TCFL5: variants seen among roughly 807,000 people sequenced by gnomAD.
TCFL5 encodes transcription factor-like 5 protein.
Under a neutral mutation model 44.3 loss-of-function variants are expected in TCFL5, and 9 were observed. The observed-to-expected ratio is 0.20, with a 90% CI of 0.12 to 0.35. TCFL5 has a LOEUF of 0.35. TCFL5 is among the 10% of genes least tolerant of loss of function. The pLI is 1.00. For missense variants in TCFL5, 603 were observed against 613.4 expected (o/e 0.98, Z 0.18); for synonymous variants, 319 against 271.6 (o/e 1.17, Z -1.72).
rs1224651433 is a variant in TCFL5 at position 62,846,776 on chromosome 20, AAAAG to A, written c.1381-4683_1381-4680del. Among the ~76,000 whole-genome samples, 8 of 151,800 alleles carry A rather than the reference AAAAG, an allele frequency of 5.3e-5. No homozygotes were observed. The East Asian group carries it at 5.8e-4, about 11-fold the overall frequency. ...AGGGCCCCTCGCTGGGAAAAAAAAA[AAAAG>A]AGAGAAAGAAAAAGAAAAATAATAA... is the stretch of plus-strand genomic sequence containing the variant. On this transcript the variant is annotated intron_variant, in intron 5 of 5. Coordinates refer to ENST00000335351, the MANE Select transcript of TCFL5 (RefSeq NM_006602.4).
In TCFL5 at chr20:62,841,867, C is replaced by T. The variant is rs2063683304; in HGVS notation, c.*108G>A. On this transcript the variant is annotated 3_prime_UTR_variant, in exon 6 of 6. Transcript: ENST00000335351. ...ACTGGAGTCCCGTCAGCTTGAGTCA[C>T]GCCCTTTTCGAGTCAGACTAGCCGA... 6.8e-6 allele frequency: 10 copies of T among 1,476,654 alleles called. No homozygotes were observed. The highest frequency in any genetic ancestry group is 4.2e-5 in the African/African-American group (3 of 71,012). 91.5% of individuals were successfully genotyped at this position (1,476,654 alleles called of 1,614,324 possible). A position where few individuals can be genotyped will look rare whatever the true frequency, so the allele number is the denominator to read the frequency against.
At chr20:62,843,846 G>T (rs2147243040) in intron 5 of TCFL5, among the ~76,000 whole-genome samples, 1 of 152,350 alleles carries the variant, frequency 6.6e-6, no homozygotes, top group East Asian at 1.9e-4. Context: ...CCCGCAGGGT[G>T]TGCCCTGTTG....
chr20:62,851,501 A>G (rs1405830216), intron 5 of TCFL5: 1 of 983,992 alleles, frequency 1.0e-6, no homozygotes, highest in Non-Finnish European at 1.2e-6. Flanking sequence ...TTTTTAAAAC[A>G]CAAAAGCTTT....
chr20:62,855,335 G>C (rs554091459), intron 4 of TCFL5, among the ~76,000 whole-genome samples: 5 of 152,052 alleles, frequency 3.3e-5, no homozygotes, highest in African/African-American at 1.2e-4. Flanking sequence ...TAGTATTGTT[G>C]GTTTTTCTTT....
rs925003261 is a variant in TCFL5 at position 62,844,532 on chromosome 20, T to C, written c.1381-2435A>G. Among the ~76,000 whole-genome samples the C allele has an allele frequency of 2.0e-5, 3 of 151,740 alleles. 1 individual carries two copies. Among genetic ancestry groups the C allele is most frequent in the South Asian group, 4.2e-4 (2 of 4,804 alleles). The stretch of plus-strand genomic sequence containing the variant: ...TAGCTGGGACTACAGGTGCACACCA[T>C]CACGCCTGGCTTTCAACATTTTTTT... On this transcript the variant is annotated intron_variant, in intron 5 of 5. Coordinates refer to ENST00000335351, the MANE Select transcript of TCFL5 (RefSeq NM_006602.4).
At chr20:62,856,613 G>C (rs2063895104) in intron 4 of TCFL5, among the ~76,000 whole-genome samples, 1 of 150,570 alleles carries the variant, frequency 6.6e-6, no homozygotes, top group African/African-American at 2.4e-5. Flanking sequence ...GGCTGAGGCA[G>C]GAGAACGGCA....
rs972787306 is a variant in TCFL5 at position 62,841,384 on chromosome 20, G to A, written c.*591C>T. The A allele has an allele frequency of 6.5e-6, 1 of 153,918 alleles. No individual in the cohort carries two copies. The highest frequency in any genetic ancestry group is 1.4e-5 in the Non-Finnish European group (1 of 69,278). 9.5% of individuals were successfully genotyped at this position (153,918 alleles called of 1,614,324 possible). ...TGGCATTTAAGCGTCTACTGTGACA[G>A]TATTTCATTTGTGGACAAAAGTAGC... On this transcript the variant is annotated 3_prime_UTR_variant, in exon 6 of 6. Transcript: ENST00000335351.
At position 62,842,085 on chromosome 20, in the gene TCFL5, C is replaced by T. The variant is rs764909645; in HGVS notation, c.1393G>A (p.Val465Ile). 9 of 1,613,952 alleles carry T rather than the reference C, an allele frequency of 5.6e-6. No homozygotes were observed. The highest frequency in any genetic ancestry group is 3.3e-5 in the Admixed American group (2 of 59,968). ...CTTCGGCCAGTTTTACCGCAAAATA[C>T]GCTCTCAAATTCCTGCAGTGAAGAA... ...GDSLKKEFESVFCGKTGRRLK... is the reference protein window; with the variant it reads ...GDSLKKEFESIFCGKTGRRLK... The change falls in exon 6 of 6, where the codon GTA becomes ATA. Residue 465 changes from valine to isoleucine, a missense_variant. Around this residue, in one of 4 missense-constraint regions of TCFL5, gnomAD observed 41 missense variants for 61.4 expected, o/e 0.67. Transcript: ENST00000335351. This position sits in a 1 kb window ranked among gnomAD's most constrained non-coding sequence, Gnocchi z 4.3.
At chr20:62,850,659 G>A (rs977579550) in intron 5 of TCFL5, among the ~76,000 whole-genome samples, 2 of 152,158 alleles carry the variant, frequency 1.3e-5, no homozygotes, top group Non-Finnish European at 2.9e-5. Flanking sequence ...GCAGCAGGGT[G>A]ATATGGGTCA....
Position 62,854,207 on chromosome 20 carries a change from A to T in TCFL5, c.1239-50T>A, listed in dbSNP as rs376810807. On this transcript the variant is annotated intron_variant, in intron 4 of 5. Coordinates refer to ENST00000335351, the MANE Select transcript of TCFL5 (RefSeq NM_006602.4). ...ACCGAGAGAGACCGGAGCAAAACAAACATGTAAAAGGAAGCGTCTCCTGTA... is the reference window on the plus strand; with the variant it reads ...ACCGAGAGAGACCGGAGCAAAACAATCATGTAAAAGGAAGCGTCTCCTGTA... 10 of 1,602,304 alleles carry T rather than the reference A, an allele frequency of 6.2e-6. No individual in the cohort carries two copies. The Admixed American group carries it at 1.7e-4, about 28-fold the overall frequency.
chr20:62,853,805 A>G (rs2063848117), intron 5 of TCFL5, among the ~76,000 whole-genome samples: 1 of 152,228 alleles, frequency 6.6e-6, no homozygotes, highest in African/African-American at 2.4e-5. Context: ...AGTTATTTAC[A>G]CACTGAGTGT....
intron 5 of TCFL5, among the ~76,000 whole-genome samples, chr20:62,849,616 A>C (rs547529889): frequency 6.6e-6 from 1 of 152,260 alleles, no homozygotes; most frequent in African/African-American, 2.4e-5. Flanking sequence ...TAATCCCAGC[A>C]CTTTGGGAGG....
chr20:62,859,410 A>G lies in TCFL5; in HGVS notation c.948T>C (p.Gly316=), dbSNP rs549724910. ...QEIESTKQTL[G]SRNKVLPEQV... ...GCTCAGGCAAAACTTTGTTTCTACT[A>G]CCTAACGTCTGTTTAGTGGATTCAA... is the stretch of plus-strand genomic sequence containing the variant. Residue 316 remains glycine (G), a synonymous_variant, in exon 3 of 6, where the codon GGT becomes GGC. Coordinates refer to ENST00000335351, the MANE Select transcript of TCFL5 (RefSeq NM_006602.4). 7 of 1,613,350 alleles carry G rather than the reference A, an allele frequency of 4.3e-6. No homozygotes were observed. Among genetic ancestry groups the G allele is most frequent in the South Asian group, 3.3e-5 (3 of 91,038 alleles).
chr20:62,841,907 T>A lies in TCFL5; in HGVS notation c.*68A>T. 1 of 1,581,550 alleles carries A rather than the reference T, an allele frequency of 6.3e-7. No homozygotes were observed. The highest frequency in any genetic ancestry group is 2.3e-5 in the East Asian group (1 of 43,996). ...AGACTAGCCGAGCAGAGCTCCAGGG[T>A]TGCAGAAGGCGTGCACAGGTCACGA... On this transcript the variant is annotated 3_prime_UTR_variant, in exon 6 of 6. Coordinates refer to ENST00000335351, the MANE Select transcript of TCFL5 (RefSeq NM_006602.4).
intron 5 of TCFL5, chr20:62,852,706 C>G (rs904336821): frequency 1.0e-6 from 1 of 985,088 alleles, no homozygotes; most frequent in Non-Finnish European, 1.2e-6. Context: ...TCACCCGGTC[C>G]ACAGAAGTAT....
intron 5 of TCFL5, chr20:62,845,679 G>A (rs1223276000): frequency 1.2e-6 from 2 of 1,606,554 alleles, no homozygotes; most frequent in Non-Finnish European, 8.5e-7. Context: ...AGTATTTCAT[G>A]ACGAGGTGGA....
chr20:62,853,108 GTCACCCGGTCCACAGAAGTACA>G (rs1206485858), intron 5 of TCFL5, among the ~76,000 whole-genome samples: 2 of 143,794 alleles, frequency 1.4e-5, no homozygotes, highest in African/African-American at 5.4e-5. Flanking sequence ...CAGAAGCATA[GTCACCCGGTCCACAGAAGTACA>G]GTCACCCGGT....
chr20:62,851,561 G>A (rs546842630), intron 5 of TCFL5: 1 of 985,340 alleles, frequency 1.0e-6, no homozygotes, highest in Non-Finnish European at 1.2e-6. Flanking sequence ...ATCTTCAAGA[G>A]TAACTGCATT....
In TCFL5 at chr20:62,854,085, G is replaced by A. The variant is rs1392294247; in HGVS notation, c.1311C>T (p.Ala437=). Residue 437 remains alanine, a synonymous_variant, in exon 5 of 6, where the codon GCC becomes GCT. Transcript: ENST00000335351. ...ATGCTGTGGTCCACTGCAGAGTTGT[G>A]GCCTTGTCAGTCTCGGCATTGCAGA... ...VPFCNAETDK[A]TTLQWTTAFL... The A allele has an allele frequency of 6.2e-7, 1 of 1,614,076 alleles. No homozygotes were observed. Among genetic ancestry groups the A allele is most frequent in the Non-Finnish European group, 8.5e-7 (1 of 1,180,028 alleles).
Sources: gnomAD v4.1 joint callset for allele counts (sites outside exome capture counted in the v4.1 genomes callset) on GRCh38, gnomAD v4.1.1 for gene constraint, gnomAD v4.1.1 regional missense constraint, Gnocchi (gnomAD v3.1) non-coding constraint, MANE v1.5 for transcripts, NCBI Gene and HGNC (gene_info 2026-07-23, HGNC 2026-07-21) for gene names.